Variants in TGFBR3 observed in about 807,000 individuals in gnomAD.
TGFBR3 encodes transforming growth factor beta receptor type 3.
A neutral mutation model predicts 87.9 loss-of-function variants in TGFBR3; 46 were observed. The observed-to-expected ratio is 0.52, with a 90% CI of 0.41 to 0.67. TGFBR3 has a LOEUF of 0.67. TGFBR3 is among the 30% of genes least tolerant of loss of function. TGFBR3 has a pLI of 0.00. For missense variants in TGFBR3, 866 were observed against 1,041.9 expected (o/e 0.83, Z 2.32); for synonymous variants, 381 against 391.6 (o/e 0.97, Z 0.32).
At chr1:91,737,770 T>C (rs979729827) in intron 4 of TGFBR3, among the ~76,000 whole-genome samples, 6 of 152,138 alleles carry the variant, frequency 3.9e-5, no homozygotes, top group African/African-American at 1.4e-4. Flanking sequence ...GATACCCTGG[T>C]TGTCAGAGCG....
intron 4 of TGFBR3, among the ~76,000 whole-genome samples, chr1:91,751,101 G>A (rs779913686): frequency 2.0e-5 from 3 of 152,108 alleles, no homozygotes; most frequent in Admixed American, 6.5e-5. Flanking sequence ...TGTGTTGGAT[G>A]AATGAACAAG....
chr1:91,731,009 C>G (rs1483619785), intron 5 of TGFBR3, among the ~76,000 whole-genome samples: 1 of 152,214 alleles, frequency 6.6e-6, no homozygotes, highest in Admixed American at 6.5e-5. Context: ...TTTCCATCCA[C>G]GGGCTTAAAT....
intron 2 of TGFBR3, among the ~76,000 whole-genome samples, chr1:91,836,663 T>C (rs1303662147): frequency 6.6e-6 from 1 of 152,066 alleles, no homozygotes; most frequent in African/African-American, 2.4e-5. Flanking sequence ...TATATTTCTA[T>C]TGTATTTATA....
chr1:91,783,894 CA>C (rs1472848902), intron 3 of TGFBR3, among the ~76,000 whole-genome samples: 4 of 152,152 alleles, frequency 2.6e-5, no homozygotes, highest in African/African-American at 7.2e-5. Context: ...TTAATTCCAG[CA>C]ATATTAAGAA....
At chr1:91,718,654 A>G (rs945498938) in intron 10 of TGFBR3, among the ~76,000 whole-genome samples, 23 of 152,222 alleles carry the variant, frequency 1.5e-4, no homozygotes, top group African/African-American at 5.5e-4. Flanking sequence ...TAATCTGAAA[A>G]GATTTTGACC....
At chr1:91,814,427 T>C (rs1220713157) in intron 2 of TGFBR3, among the ~76,000 whole-genome samples, 3 of 152,122 alleles carry the variant, frequency 2.0e-5, no homozygotes, top group African/African-American at 4.8e-5. Flanking sequence ...GAAGTGTACT[T>C]TTTTTTAATC....
At chr1:91,754,891 A>G (rs1455674432) in intron 4 of TGFBR3, 1 of 151,304 alleles carries the variant, frequency 6.6e-6, no homozygotes, top group Non-Finnish European at 1.5e-5. Context: ...TGCCCTATTT[A>G]AAAAAAAACA....
In TGFBR3 at chr1:91,885,972, C is replaced by T. The variant is rs1262119045; in HGVS notation, c.-208G>A. 4.4e-6 allele frequency: 2 copies of T among 451,774 alleles called. No homozygotes were observed. The highest frequency in any genetic ancestry group is 2.0e-5 in the African/African-American group (1 of 49,848). 28.0% of individuals were successfully genotyped at this position (451,774 alleles called of 1,614,324 possible). A position where few individuals can be genotyped will look rare whatever the true frequency, so the allele number is the denominator to read the frequency against. ...GCCCAGCGCTCGGCGGCGGCGAGCT[C>T]CGGCAGCTGCTGCGCCGCGGCAAAA... On this transcript the variant is annotated 5_prime_UTR_variant, in exon 1 of 17. Transcript: ENST00000212355.
chr1:91,826,400 G>T (rs1183153172), intron 2 of TGFBR3, among the ~76,000 whole-genome samples: 1 of 152,130 alleles, frequency 6.6e-6, no homozygotes, highest in Non-Finnish European at 1.5e-5. Context: ...TGTGGTGAGT[G>T]GTGTGACTGA....
At chr1:91,768,963 T>C (rs926484377) in intron 3 of TGFBR3, among the ~76,000 whole-genome samples, 3 of 152,188 alleles carry the variant, frequency 2.0e-5, no homozygotes, top group African/African-American at 7.2e-5. Flanking sequence ...TGGGTCACTC[T>C]GCCTTCCTTT....
chr1:91,696,471 G>GA (rs1433155182), intron 15 of TGFBR3, among the ~76,000 whole-genome samples: 3 of 152,170 alleles, frequency 2.0e-5, no homozygotes, highest in Admixed American at 2.0e-4. Flanking sequence ...ACTTCCCAGT[G>GA]GGGAGTGATG....
Position 91,719,756 on chromosome 1 carries a change from G to A in TGFBR3, c.1413+137C>T, listed in dbSNP as rs147860511. On this transcript the variant is annotated intron_variant, in intron 9 of 16. Coordinates refer to ENST00000212355, the MANE Select transcript of TGFBR3 (RefSeq NM_003243.5). ...GAGAATCACAGCCAAGGGGAAGTAG[G>A]CCCATCCAACTGAGAAAACAGTATC... 59 of 999,878 alleles carry A rather than the reference G, an allele frequency of 5.9e-5. No individual in the cohort carries two copies. In the African/African-American group the frequency reaches 6.4e-4, roughly 11 times the overall value. The allele number at this position is 999,878 out of a possible 1,614,324, so 61.9% of individuals were successfully genotyped here.
At chr1:91,728,757 C>T (rs1189176607) in intron 6 of TGFBR3, among the ~76,000 whole-genome samples, 2 of 152,120 alleles carry the variant, frequency 1.3e-5, no homozygotes, top group Non-Finnish European at 2.9e-5. Context: ...AAGTCAAACC[C>T]CGATTAGCAT....
At position 91,681,077 on chromosome 1, in the gene TGFBR3, C is replaced by A. The variant is rs1354837017; in HGVS notation, c.*2662G>T. On this transcript the variant is annotated 3_prime_UTR_variant, in exon 17 of 17. Transcript: ENST00000212355. ...CTCTGCAAATTAAGGGTGTAGCCTG[C>A]AGAAATAACAAAAGACTGCAGATAC... 1 of 453,838 alleles carries A rather than the reference C, an allele frequency of 2.2e-6. No homozygotes were observed. The highest frequency in any genetic ancestry group is 4.4e-6 in the Non-Finnish European group (1 of 226,772). 28.1% of individuals were successfully genotyped at this position (453,838 alleles called of 1,614,324 possible).
At chr1:91,805,667 C>T (rs1183280829) in intron 2 of TGFBR3, among the ~76,000 whole-genome samples, 1 of 152,248 alleles carries the variant, frequency 6.6e-6, no homozygotes, top group Non-Finnish European at 1.5e-5. Context: ...TGAGGCCACA[C>T]TGTGAAGCAC....
intron 2 of TGFBR3, among the ~76,000 whole-genome samples, chr1:91,806,090 A>G (rs1398287755): frequency 1.3e-5 from 2 of 152,208 alleles, no homozygotes; most frequent in Non-Finnish European, 1.5e-5. Context: ...GGTTGACTTA[A>G]AAGACTTCAT....
intron 4 of TGFBR3, among the ~76,000 whole-genome samples, chr1:91,742,292 C>T (rs1042851667): frequency 1.3e-5 from 2 of 152,186 alleles, no homozygotes; most frequent in African/African-American, 2.4e-5. Flanking sequence ...AGCAACACCT[C>T]GAGGGCCAAG....
At chr1:91,812,734 C>T (rs954095161) in intron 2 of TGFBR3, among the ~76,000 whole-genome samples, 2 of 152,192 alleles carry the variant, frequency 1.3e-5, no homozygotes, top group African/African-American at 4.8e-5. Flanking sequence ...CTACCTCAGC[C>T]TCCTGAGTAG....
chr1:91,721,965 A>C lies in TGFBR3; in HGVS notation c.1065T>G (p.Leu355=), dbSNP rs776192202. Residue 355 remains leucine, a synonymous_variant, in exon 8 of 17, where the codon CTT becomes CTG. Coordinates refer to ENST00000212355, the MANE Select transcript of TGFBR3 (RefSeq NM_003243.5). ...APVANRFHLR[L]ENNAEEMGDE... is the part of the protein sequence containing the mutation. ...AAACTTCTAACTTACCATTATTTTC[A>C]AGCCGAAGATGAAATCTATTAGCCA... 1 of 1,613,062 alleles carries C rather than the reference A, an allele frequency of 6.2e-7. No individual in the cohort carries two copies. Among genetic ancestry groups the C allele is most frequent in the East Asian group, 2.2e-5 (1 of 44,810 alleles).
Sources: gnomAD v4.1 joint callset for allele counts (sites outside exome capture counted in the v4.1 genomes callset) on GRCh38, gnomAD v4.1.1 for gene constraint, MANE v1.5 for transcripts, NCBI Gene and HGNC (gene_info 2026-07-23, HGNC 2026-07-21) for gene names.